RREB1: variants seen among roughly 807,000 people sequenced by gnomAD.
RREB1 encodes ras-responsive element-binding protein 1.
Under a neutral mutation model 117.8 loss-of-function variants are expected in RREB1, and 27 were observed. The observed-to-expected ratio is 0.23, with a 90% CI of 0.17 to 0.32. The LOEUF is 0.32. Among genes scored for constraint, RREB1 ranks in the 10% least tolerant of loss-of-function variants. RREB1 has a pLI of 1.00. For missense variants in RREB1, 2,577 were observed against 2,378.2 expected, an observed-to-expected ratio of 1.08 and a Z score of -1.74; for synonymous variants, 1,298 against 1,026.7, an observed-to-expected ratio of 1.26 and a Z score of -5.05.
intron 8 of RREB1, chr6:7,218,821 T>C (rs1767061324): frequency 7.9e-6 from 1 of 126,948 alleles, no homozygotes; most frequent in Admixed American, 8.1e-5. Context: ...TGTGCAACTT[T>C]CTTTAAAAAA....
intron 6 of RREB1, among the ~76,000 whole-genome samples, chr6:7,208,113 A>G (rs371916035): frequency 6.6e-6 from 1 of 152,172 alleles, no homozygotes; most frequent in African/African-American, 2.4e-5. Context: ...AAATTAGACA[A>G]ATTAGCCCTT....
rs772184247 is a variant in RREB1, at chr6:7,251,008, T to TTTG, written c.*2046_*2048dup. 1 of 152,056 alleles carries TTTG rather than the reference T, an allele frequency of 6.6e-6. No individual in the cohort carries two copies. Among genetic ancestry groups the TTTG allele is most frequent in the Non-Finnish European group, 1.5e-5 (1 of 68,014 alleles). 9.4% of individuals were successfully genotyped at this position (152,056 alleles called of 1,614,324 possible). On this transcript the variant is annotated 3_prime_UTR_variant, in exon 13 of 13. Coordinates refer to ENST00000379938, the MANE Select transcript of RREB1 (RefSeq NM_001003699.4). The stretch of plus-strand genomic sequence containing the variant: ...TATTATTACAGTTGTTATTGTTGTT[T>TTTG]TTGTTGTTATTATTATTTGGGGTTT...
chr6:7,172,018 T>TC (rs1335097642), intron 1 of RREB1, among the ~76,000 whole-genome samples: 1 of 151,448 alleles, frequency 6.6e-6, no homozygotes. Flanking sequence ...TCATGCTAGC[T>TC]CAGTGCAGCT....
chr6:7,196,231 G>GTTTTTTTTTTTTTT (rs1179803646), intron 6 of RREB1, among the ~76,000 whole-genome samples: 6 of 83,788 alleles, frequency 7.2e-5, no homozygotes, highest in Admixed American at 1.2e-4. Flanking sequence ...TTTTTTTTTT[G>GTTTTTTTTTTTTTT]TTTTTTTTTT....
intron 8 of RREB1, chr6:7,211,960 A>G: frequency 2.0e-6 from 1 of 491,728 alleles, no homozygotes; most frequent in Non-Finnish European, 3.7e-6. Flanking sequence ...TTGAGTAGTC[A>G]CCAGTGAGCC....
intron 6 of RREB1, among the ~76,000 whole-genome samples, chr6:7,202,219 C>T (rs1766026923): frequency 6.6e-6 from 1 of 152,166 alleles, no homozygotes; most frequent in Non-Finnish European, 1.5e-5. Flanking sequence ...GGCGCATGGC[C>T]GACCATCTGG....
rs75819104 is a variant in RREB1, at chr6:7,237,981, C to G, written c.3809-2457C>G. Among the ~76,000 whole-genome samples, 380 of 152,274 alleles carry G rather than the reference C, an allele frequency of 2.5e-3. 11 individuals carry two copies. In the East Asian group the frequency reaches 0.04, roughly 16 times the overall value. On this transcript the variant is annotated intron_variant, in intron 10 of 12. Coordinates refer to ENST00000379938, the MANE Select transcript of RREB1 (RefSeq NM_001003699.4). ...CCTAACCAACTGTAAAGGTGACGCA[C>G]TTACCAGTGTGAAAATTACAGAGTA... is the stretch of plus-strand genomic sequence containing the variant.
At chr6:7,228,972 G>C (rs935091827) in intron 9 of RREB1, 25 bp from the exon 10 acceptor site, 1 of 1,479,322 alleles carries the variant, frequency 6.8e-7, no homozygotes, top group African/African-American at 1.4e-5. Context: ...GTGTTCCCTT[G>C]CTTTTACCGG....
rs1437273350 is a variant in RREB1, at chr6:7,246,901, G to A, written c.4451G>A (p.Ser1484Asn). 1.9e-5 allele frequency: 30 copies of A among 1,553,688 alleles called. No individual in the cohort carries two copies. The highest frequency in any genetic ancestry group is 2.4e-5 in the Non-Finnish European group (28 of 1,149,234). ...AAGGACGAGAAGGGAGATGGCGCCA[G>A]CACTGCAGAGGAGGGGCCCCAGCCC... ...EPKDEKGDGA[S>N]TAEEGPQPAP... Residue 1484 changes from serine (S) to asparagine (N), a missense_variant, in exon 12 of 13, where the codon AGC (serine) becomes AAC (asparagine). Coordinates refer to ENST00000379938, the MANE Select transcript of RREB1 (RefSeq NM_001003699.4).
intron 1 of RREB1, among the ~76,000 whole-genome samples, chr6:7,131,911 T>G (rs1025360333): frequency 1.8e-4 from 28 of 151,430 alleles, no homozygotes; most frequent in African/African-American, 6.6e-4. Context: ...CAGGCTGGAG[T>G]GCAGTGGTGT....
chr6:7,122,778 A>G (rs1279123001), intron 1 of RREB1, among the ~76,000 whole-genome samples: 1 of 152,192 alleles, frequency 6.6e-6, no homozygotes, highest in Non-Finnish European at 1.5e-5. Context: ...ACCTAAGCAG[A>G]TGTGTAGATT....
intron 1 of RREB1, among the ~76,000 whole-genome samples, chr6:7,161,028 G>A (rs990838702): frequency 2.0e-5 from 3 of 151,942 alleles, no homozygotes; most frequent in Non-Finnish European, 4.4e-5. Flanking sequence ...ATAGAGTTTC[G>A]CCATGTTGCC....
intron 1 of RREB1, among the ~76,000 whole-genome samples, chr6:7,123,456 C>G (rs1761768705): frequency 6.6e-6 from 1 of 152,142 alleles, no homozygotes; most frequent in Non-Finnish European, 1.5e-5. Context: ...GCCACCACGC[C>G]TGGCCGAAAG....
In RREB1 at chr6:7,247,048, A is replaced by G; in HGVS notation, c.4598A>G (p.Glu1533Gly). The G allele has an allele frequency of 6.2e-7, 1 of 1,613,148 alleles. No homozygotes were observed. The highest frequency in any genetic ancestry group is 1.1e-5 in the South Asian group (1 of 91,058). The change falls in exon 12 of 13, where the codon GAG becomes GGG. Residue 1533 changes from glutamate to glycine, a missense_variant. Physicochemically the swap from Glu to Gly is moderately conservative, Grantham distance 98. Coordinates refer to ENST00000379938, the MANE Select transcript of RREB1 (RefSeq NM_001003699.4). ...GAGACGGAGGGCCCCTCCGACGGGG[A>G]GAGCGCGGCCGAGAAAAGGTCCTCA... Reference protein sequence around the residue: ...AEETEGPSDGESAAEKRSSEK... With the variant: ...AEETEGPSDGGSAAEKRSSEK...
chr6:7,237,822 C>T (rs1167616780), intron 10 of RREB1, among the ~76,000 whole-genome samples: 2 of 152,196 alleles, frequency 1.3e-5, no homozygotes, highest in Non-Finnish European at 2.9e-5. Context: ...GAAATGTGAG[C>T]TTCTAATGAC....
At chr6:7,148,001 T>A (rs1008604929) in intron 1 of RREB1, among the ~76,000 whole-genome samples, 3 of 152,206 alleles carry the variant, frequency 2.0e-5, no homozygotes, top group African/African-American at 7.2e-5. Flanking sequence ...GCTAGCTGAC[T>A]CAAAAGTAGT....
intron 1 of RREB1, among the ~76,000 whole-genome samples, chr6:7,109,706 A>ACGTG (rs1337313319): frequency 1.3e-5 from 2 of 152,212 alleles, no homozygotes; most frequent in African/African-American, 4.8e-5. Flanking sequence ...AGGAGATAGA[A>ACGTG]CGTGAGCCCA....
intron 11 of RREB1, among the ~76,000 whole-genome samples, chr6:7,244,069 C>G (rs1045852875): frequency 6.6e-6 from 1 of 152,058 alleles, no homozygotes; most frequent in African/African-American, 2.4e-5. Flanking sequence ...CTGAGACCAG[C>G]CTGGCCAACA....
Position 7,200,317 on chromosome 6 carries a change from C to G in RREB1, c.426-10487C>G, listed in dbSNP as rs559468115. ...TTTTCTTTTTTGAGATGAGGTTTCA[C>G]TCTTGTCGCCCAGGCTGGAGCGCAA... On this transcript the variant is annotated intron_variant, in intron 6 of 12. Coordinates refer to ENST00000379938, the MANE Select transcript of RREB1 (RefSeq NM_001003699.4). Among the ~76,000 whole-genome samples the G allele has an allele frequency of 1.3e-3, 185 of 146,526 alleles. 1 individual carries two copies. Among genetic ancestry groups the G allele is most frequent in the African/African-American group, 4.2e-3 (167 of 39,900 alleles).
Sources: allele counts gnomAD v4.1 joint callset (sites outside exome capture counted in the v4.1 genomes callset), GRCh38; gene constraint gnomAD v4.1.1; transcripts MANE v1.5; gene names NCBI Gene and HGNC (gene_info 2026-07-23, HGNC 2026-07-21).